VDAC3: variants seen among roughly 807,000 people sequenced by gnomAD.
VDAC3 encodes non-selective voltage-gated ion channel VDAC3.
In VDAC3, 7 loss-of-function variants were observed where a neutral mutation model predicts 33.9. The observed-to-expected ratio is 0.21, with a 90% CI of 0.12 to 0.39. The LOEUF is 0.39. Among genes scored for constraint, VDAC3 ranks in the 10% least tolerant of loss-of-function variants. The pLI, the probability that VDAC3 is intolerant of heterozygous loss-of-function variation, is 1.00. For missense variants in VDAC3, 261 were observed against 334.5 expected (o/e 0.78, Z 1.71); for synonymous variants, 100 against 122.4 (o/e 0.82, Z 1.21).
In VDAC3 at chr8:42,405,702, T is replaced by TA. The variant is rs1802489677; in HGVS notation, c.*241dup. 4 of 445,622 alleles carry TA rather than the reference T, an allele frequency of 9.0e-6. No individual in the cohort carries two copies. The highest frequency in any genetic ancestry group is 1.6e-5 in the Non-Finnish European group (4 of 245,312). The allele number at this position is 445,622 out of a possible 1,614,324, so 27.6% of individuals were successfully genotyped here. On this transcript the variant is annotated 3_prime_UTR_variant, in exon 10 of 10. Coordinates refer to ENST00000022615, the MANE Select transcript of VDAC3 (RefSeq NM_005662.7). Reference sequence around the variant, plus strand: ...ACGTTTCAGTTCAGTTCTGAAGTGTTATTAAATGTGTTCCTCAGCGACAGT... The same window carrying TA: ...ACGTTTCAGTTCAGTTCTGAAGTGTTAATTAAATGTGTTCCTCAGCGACAGT...
intron 4 of VDAC3, chr8:42,397,063 A>T (rs1268650555): frequency 5.6e-6 from 1 of 179,720 alleles, no homozygotes; most frequent in African/African-American, 2.4e-5. Context: ...TGATGCTGAC[A>T]AGGGAGAAAT....
intron 5 of VDAC3, 43 bp from the exon 6 acceptor site, chr8:42,399,608 A>G (rs778064431): frequency 1.9e-6 from 3 of 1,559,244 alleles, no homozygotes; most frequent in Non-Finnish European, 2.6e-6. Flanking sequence ...TGGATAAATG[A>G]TTGAAAATTA....
At chr8:42,403,106 G>A (rs1006914824) in intron 7 of VDAC3, 7 of 582,874 alleles carry the variant, frequency 1.2e-5, no homozygotes, top group Non-Finnish European at 1.2e-5. Flanking sequence ...TGGATCAAGT[G>A]TTAACGTTTT....
chr8:42,395,073 T>C lies in VDAC3; in HGVS notation c.68-11T>C, dbSNP rs1166275992. 2 of 1,613,998 alleles carry C rather than the reference T, an allele frequency of 1.2e-6. No individual in the cohort carries two copies. Among genetic ancestry groups the C allele is most frequent in the Non-Finnish European group, 1.7e-6 (2 of 1,179,946 alleles). ...GTACATTACTGTGTTTTTGTGTGTG[T>C]GTGTGTATAGGCTTTGGCATGGTCA... On this transcript the variant is annotated splice_polypyrimidine_tract_variant and intron_variant, in intron 3 of 9. Coordinates refer to ENST00000022615, the MANE Select transcript of VDAC3 (RefSeq NM_005662.7).
chr8:42,396,761 C>A, intron 4 of VDAC3: 1 of 655,184 alleles, frequency 1.5e-6, no homozygotes, highest in South Asian at 1.7e-5. Context: ...AAATTTCAAT[C>A]ATTGTTCCAA....
chr8:42,397,057 G>A (rs1401900505), intron 4 of VDAC3: 1 of 182,258 alleles, frequency 5.5e-6, no homozygotes, highest in Non-Finnish European at 1.1e-5. Context: ...AAGAATTGAT[G>A]CTGACAAGGG....
intron 9 of VDAC3, 130 bp from the exon 10 acceptor site, chr8:42,405,241 A>AAT: frequency 1.4e-6 from 1 of 713,406 alleles, no homozygotes; most frequent in South Asian, 1.9e-5. Context: ...CCGATTGAGT[A>AAT]ATAGCTGTTT....
At chr8:42,394,932 A>T in intron 3 of VDAC3, 152 bp from the exon 4 acceptor site, 1 of 732,932 alleles carries the variant, frequency 1.4e-6, no homozygotes, top group Non-Finnish European at 2.2e-6. Context: ...TTTGGTTATA[A>T]TTCAGTTTCT....
At chr8:42,401,129 G>C (rs1027993719) in intron 6 of VDAC3, among the ~76,000 whole-genome samples, 6 of 152,180 alleles carry the variant, frequency 3.9e-5, no homozygotes, top group African/African-American at 1.4e-4. Flanking sequence ...CATTTAAAGA[G>C]ATTTGGCTTC....
In VDAC3 at chr8:42,405,377, A is replaced by G; in HGVS notation, c.767A>G (p.Lys256Arg). 6.2e-7 allele frequency: 1 copy of G among 1,613,140 alleles called. No homozygotes were observed. The highest frequency in any genetic ancestry group is 8.5e-7 in the Non-Finnish European group (1 of 1,179,828). ...GGTGTTTTCTTCTTCCTAGGAGTCA[A>G]ATTGACTTTATCAGCTTTAATCGAT... is the stretch of plus-strand genomic sequence containing the variant. Reference protein sequence around the residue: ...GYTQTLRPGVKLTLSALIDGK... With the variant: ...GYTQTLRPGVRLTLSALIDGK... Residue 256 changes from lysine to arginine, a missense_variant, in exon 10 of 10, where the codon AAA (lysine) becomes AGA (arginine). By Grantham distance (26) the Lys-to-Arg change is conservative. Transcript: ENST00000022615.
chr8:42,402,079 AT>A, intron 7 of VDAC3, 64 bp downstream of exon 7: 1 of 1,501,256 alleles, frequency 6.7e-7, no homozygotes, highest in Non-Finnish European at 9.2e-7. Flanking sequence ...AGCCATTAGC[AT>A]GCTGAGAAGT....
rs1352472005 is a variant in VDAC3, at chr8:42,396,335, T to C, written c.117+1202T>C. ...TAATTTACCTTACTCTGATTTCTCC[T>C]CATTGGCTGCATCGTTTTTGGTATT... On this transcript the variant is annotated intron_variant, in intron 4 of 9. Coordinates refer to ENST00000022615, the MANE Select transcript of VDAC3 (RefSeq NM_005662.7). 2.0e-5 allele frequency among the ~76,000 whole-genome samples: 3 copies of C among 152,228 alleles called. No homozygotes were observed. In the East Asian group the frequency reaches 5.8e-4, roughly 29 times the overall value.
At chr8:42,404,533 G>C (rs746939637) in intron 8 of VDAC3, among the ~76,000 whole-genome samples, 41 of 152,120 alleles carry the variant, frequency 2.7e-4, no homozygotes, top group Admixed American at 6.5e-4. Flanking sequence ...GACCAGCCTG[G>C]CCAACATGGT....
chr8:42,393,209 A>G (rs547193977), intron 1 of VDAC3, among the ~76,000 whole-genome samples: 1 of 152,316 alleles, frequency 6.6e-6, no homozygotes, highest in East Asian at 1.9e-4. Context: ...ATGATGGGGT[A>G]GGCAGAAGCT....
At position 42,405,388 on chromosome 8, in the gene VDAC3, T is replaced by C; in HGVS notation, c.778T>C (p.Ser260Pro). The change falls in exon 10 of 10, where the codon TCA becomes CCA. Residue 260 changes from serine (S) to proline (P), a missense_variant. Physicochemically the swap from Ser to Pro is moderately conservative, Grantham distance 74 (BLOSUM62 -1). Transcript: ENST00000022615. ...TLRPGVKLTL[S>P]ALIDGKNFSA... is the part of the protein sequence containing the mutation. ...CTTCCTAGGAGTCAAATTGACTTTA[T>C]CAGCTTTAATCGATGGGAAGAACTT... 6.2e-7 allele frequency: 1 copy of C among 1,613,110 alleles called. No individual in the cohort carries two copies. The highest frequency in any genetic ancestry group is 8.5e-7 in the Non-Finnish European group (1 of 1,179,930).
rs1282266496 is a variant in VDAC3 at position 42,398,693 on chromosome 8, A to AT, written c.118-13dup. 6.2e-7 allele frequency: 1 copy of AT among 1,601,384 alleles called. No homozygotes were observed. Among genetic ancestry groups the AT allele is most frequent in the African/African-American group, 1.3e-5 (1 of 74,138 alleles). On this transcript the variant is annotated intron_variant, in intron 4 of 9. Transcript: ENST00000022615. ...TTGATGAGCTAATTTTAAAGTAATT[A>AT]TTTTTTCTTGCTTACCAGGAATTTT...
At chr8:42,393,041 T>C (rs1043452563) in intron 1 of VDAC3, among the ~76,000 whole-genome samples, 1 of 152,236 alleles carries the variant, frequency 6.6e-6, no homozygotes, top group African/African-American at 2.4e-5. Flanking sequence ...AATGAGTCAG[T>C]ACATTTATAC....
chr8:42,401,847 A>T lies in VDAC3; in HGVS notation c.383A>T (p.Asn128Ile). The T allele has an allele frequency of 1.9e-6, 3 of 1,614,188 alleles. No homozygotes were observed. The highest frequency in any genetic ancestry group is 2.5e-6 in the Non-Finnish European group (3 of 1,180,042). Reference protein sequence around the residue: ...YKRDCFSVGSNVDIDFSGPTI... With the variant: ...YKRDCFSVGSIVDIDFSGPTI... ...CGGGATTGTTTTAGTGTTGGCAGTA[A>T]TGTTGATATAGATTTTTCTGGACCA... The change falls in exon 7 of 10, where the codon AAT becomes ATT. Residue 128 changes from asparagine (N) to isoleucine (I), a missense_variant. By Grantham distance (149) the Asn-to-Ile change is moderately radical. Coordinates refer to ENST00000022615, the MANE Select transcript of VDAC3 (RefSeq NM_005662.7).
intron 4 of VDAC3, among the ~76,000 whole-genome samples, chr8:42,395,734 C>G (rs1019618065): frequency 6.6e-6 from 1 of 151,882 alleles, no homozygotes; most frequent in Non-Finnish European, 1.5e-5. Context: ...CCGAGGTGGG[C>G]GGGTCATGAG....
Sources: allele counts gnomAD v4.1 joint callset (sites outside exome capture counted in the v4.1 genomes callset), GRCh38; gene constraint gnomAD v4.1.1; transcripts MANE v1.5; gene names NCBI Gene and HGNC (gene_info 2026-07-23, HGNC 2026-07-21).